The following KCND3 variants were observed in gnomAD, a reference collection of about 807,000 sequenced individuals.
KCND3 encodes the protein potassium voltage-gated channel subfamily D member 3.
Under a neutral mutation model 51.1 loss-of-function variants are expected in KCND3, and 9 were observed. The observed-to-expected ratio is 0.18, with a 90% CI of 0.11 to 0.31. KCND3 has a LOEUF of 0.31. Among genes scored for constraint, KCND3 ranks in the 10% least tolerant of loss-of-function variants. KCND3 has a pLI of 1.00. For synonymous variants in KCND3, 349 were observed against 368.0 expected, an observed-to-expected ratio of 0.95 and a Z score of 0.59; for missense variants, 526 against 903.8, an observed-to-expected ratio of 0.58 and a Z score of 5.36.
intron 2 of KCND3, among the ~76,000 whole-genome samples, chr1:111,864,737 A>G (rs934873457): frequency 3.9e-5 from 6 of 152,164 alleles, no homozygotes; most frequent in Non-Finnish European, 7.3e-5. Flanking sequence ...TTCCCAAACT[A>G]TGCCCTTCAG....
At chr1:111,882,677 TG>T (rs1369373322) in intron 2 of KCND3, among the ~76,000 whole-genome samples, 1 of 151,954 alleles carries the variant, frequency 6.6e-6, no homozygotes. Context: ...GCGGCTGTGC[TG>T]GGGGCGGACA....
At chr1:111,926,542 C>T (rs1047045560) in intron 2 of KCND3, among the ~76,000 whole-genome samples, 3 of 152,216 alleles carry the variant, frequency 2.0e-5, no homozygotes, top group African/African-American at 7.2e-5. Context: ...GCAAGGTGAG[C>T]CCTGGTGGTG....
intron 2 of KCND3, among the ~76,000 whole-genome samples, chr1:111,899,919 A>T (rs139277416): frequency 1.2e-3 from 189 of 152,236 alleles, no homozygotes; most frequent in African/African-American, 4.4e-3. Context: ...CATCCATGCA[A>T]TGCCTCCCAG....
At chr1:111,825,926 G>A (rs1162288048) in intron 2 of KCND3, among the ~76,000 whole-genome samples, 1 of 152,124 alleles carries the variant, frequency 6.6e-6, no homozygotes, top group Admixed American at 6.5e-5. Flanking sequence ...CATATCCCAC[G>A]TGCAGTGTTT....
rs561192534 is a variant in KCND3 at position 111,819,749 on chromosome 1, G to T, written c.1107-32643C>A. Among the ~76,000 whole-genome samples the T allele has an allele frequency of 7.2e-5, 11 of 152,288 alleles. No homozygotes were observed. In the East Asian group the frequency reaches 1.4e-3, roughly 19 times the overall value. On this transcript the variant is annotated intron_variant, in intron 2 of 7. Coordinates refer to ENST00000302127, the MANE Select transcript of KCND3 (RefSeq NM_001378969.1). ...GCTGGGAAGTGTTAGCCATACGAGGGTCTTGAAGGTCTCCCAGCACCTGTC... is the reference window on the plus strand; with the variant it reads ...GCTGGGAAGTGTTAGCCATACGAGGTTCTTGAAGGTCTCCCAGCACCTGTC...
intron 1 of KCND3, chr1:111,988,598 G>C (rs1675428601): frequency 6.6e-6 from 1 of 152,090 alleles, no homozygotes; most frequent in Non-Finnish European, 1.5e-5. Flanking sequence ...AAACATACAG[G>C]CTCCCTCGAA....
At chr1:111,925,933 C>T (rs769761789) in intron 2 of KCND3, among the ~76,000 whole-genome samples, 11 of 152,170 alleles carry the variant, frequency 7.2e-5, no homozygotes, top group African/African-American at 1.2e-4. Flanking sequence ...CCTCCCCCTC[C>T]CCACTGATCA....
intron 2 of KCND3, among the ~76,000 whole-genome samples, chr1:111,943,338 A>C (rs1557735369): frequency 6.6e-6 from 1 of 151,810 alleles, no homozygotes; most frequent in South Asian, 2.1e-4. Flanking sequence ...GCCCAGCCTC[A>C]CCCAGCCTGC....
At chr1:111,884,896 T>C (rs908773388) in intron 2 of KCND3, among the ~76,000 whole-genome samples, 6 of 152,138 alleles carry the variant, frequency 3.9e-5, no homozygotes, top group Admixed American at 6.5e-5. Flanking sequence ...TAATTCTTTG[T>C]TGGGGGTGAG....
Position 111,980,208 on chromosome 1 carries a change from G to A in KCND3, c.1106+1413C>T, listed in dbSNP as rs544317267. Among the ~76,000 whole-genome samples, 7 of 150,624 alleles carry A rather than the reference G, an allele frequency of 4.6e-5. No individual in the cohort carries two copies. In the South Asian group the frequency reaches 6.3e-4, roughly 14 times the overall value. On this transcript the variant is annotated intron_variant, in intron 2 of 7. Transcript: ENST00000302127. ...GGGTGAGCAGCCATTTGAAGAGTGT[G>A]TGTGTGTGTGTGTGTGTGTGTGTGT... is the stretch of plus-strand genomic sequence containing the variant.
intron 2 of KCND3, among the ~76,000 whole-genome samples, chr1:111,830,122 G>A (rs1291743125): frequency 6.6e-6 from 1 of 152,128 alleles, no homozygotes; most frequent in Non-Finnish European, 1.5e-5. Context: ...CCCACAATGT[G>A]AGCTCTATGA....
chr1:111,783,440 G>C (rs956246426), intron 3 of KCND3, among the ~76,000 whole-genome samples: 2 of 152,202 alleles, frequency 1.3e-5, no homozygotes, highest in African/African-American at 4.8e-5. Context: ...AGGGGATCTG[G>C]AAGGAGAATG....
At chr1:111,879,216 T>TTC (rs942705551) in intron 2 of KCND3, among the ~76,000 whole-genome samples, 2 of 152,054 alleles carry the variant, frequency 1.3e-5, no homozygotes, top group African/African-American at 4.8e-5. Context: ...ATAACTCTCT[T>TTC]TCTCTCTCTC....
At chr1:111,846,986 AC>A (rs1667578750) in intron 2 of KCND3, among the ~76,000 whole-genome samples, 1 of 152,150 alleles carries the variant, frequency 6.6e-6, no homozygotes. Context: ...CAGAGACGGC[AC>A]CTTTTGCTTC....
intron 2 of KCND3, among the ~76,000 whole-genome samples, chr1:111,869,167 C>T (rs1403090471): frequency 6.6e-6 from 1 of 152,182 alleles, no homozygotes; most frequent in Non-Finnish European, 1.5e-5. Context: ...TTCTCCCTTT[C>T]CTTCTCCTTA....
At chr1:111,826,454 A>G (rs1253498206) in intron 2 of KCND3, among the ~76,000 whole-genome samples, 2 of 152,196 alleles carry the variant, frequency 1.3e-5, no homozygotes. Flanking sequence ...TTTCAGGTCT[A>G]GGACACGTGT....
intron 2 of KCND3, among the ~76,000 whole-genome samples, chr1:111,908,847 G>C (rs114016679): frequency 0.016 from 2,450 of 151,772 alleles, 32 homozygotes; most frequent in Non-Finnish European, 0.026. Flanking sequence ...GGAGAAGGAG[G>C]GGGGCAGACA....
intron 2 of KCND3, among the ~76,000 whole-genome samples, chr1:111,854,557 A>G (rs1244013489): frequency 2.0e-5 from 3 of 152,298 alleles, no homozygotes; most frequent in East Asian, 1.9e-4. Flanking sequence ...AGGGGCAAGG[A>G]AAGGCAGGCG....
intron 2 of KCND3, among the ~76,000 whole-genome samples, chr1:111,938,340 A>T (rs1672320116): frequency 6.6e-6 from 1 of 152,240 alleles, no homozygotes; most frequent in Non-Finnish European, 1.5e-5. Context: ...ATTGTAGTTC[A>T]TGTATGAACA....
Sources: allele counts gnomAD v4.1 joint callset (sites outside exome capture counted in the v4.1 genomes callset), GRCh38; gene constraint gnomAD v4.1.1; transcripts MANE v1.5; gene names NCBI Gene and HGNC (gene_info 2026-07-23, HGNC 2026-07-21).